SGCZ: variants seen among roughly 807,000 people sequenced by gnomAD.
SGCZ encodes the protein zeta-sarcoglycan.
SGCZ carries 40 observed loss-of-function variants against 41.3 expected under a neutral mutation model. That is an observed-to-expected ratio of 0.97 (90% CI 0.75 to 1.26). SGCZ has a LOEUF of 1.26. SGCZ is among the 50% of genes most tolerant of loss of function. The pLI, the probability that SGCZ is intolerant of heterozygous loss-of-function variation, is 0.00. For synonymous variants in SGCZ, 206 were observed against 137.5 expected (o/e 1.50, Z -3.49); for missense variants, 552 against 369.8 (o/e 1.49, Z -4.04).
intron 1 of SGCZ, among the ~76,000 whole-genome samples, chr8:14,597,423 C>A (rs1479077793): frequency 3.3e-5 from 5 of 152,190 alleles, no homozygotes; most frequent in Non-Finnish European, 4.4e-5. Flanking sequence ...AGACACAAGT[C>A]TCTTTTCAGG....
At chr8:15,105,152 C>A (rs538209873) in intron 1 of SGCZ, among the ~76,000 whole-genome samples, 2 of 152,254 alleles carry the variant, frequency 1.3e-5, no homozygotes, top group South Asian at 4.2e-4. Context: ...TTACCTTTAT[C>A]CAAAAGTCTA....
chr8:14,237,596 G>A lies in SGCZ; in HGVS notation c.420C>T (p.Thr140=), dbSNP rs775039303. 6.8e-6 allele frequency: 11 copies of A among 1,613,512 alleles called. No individual in the cohort carries two copies. Among genetic ancestry groups the A allele is most frequent in the South Asian group, 1.1e-5 (1 of 91,046 alleles). Residue 140 remains threonine, a synonymous_variant, in exon 4 of 8, where the codon ACC becomes ACT. Transcript: ENST00000382080. The stretch of plus-strand genomic sequence containing the variant: ...TCTTTACCCCAAAACACTCACCTAT[G>A]GTCAGCTGTCCGGTTAACTGCCCCA... ...NHMGQLTGQL[T]IGADAVEAQC...
intron 1 of SGCZ, among the ~76,000 whole-genome samples, chr8:15,090,114 G>T (rs1355994963): frequency 6.6e-6 from 1 of 152,116 alleles, no homozygotes; most frequent in Non-Finnish European, 1.5e-5. Flanking sequence ...CTTAAAAATG[G>T]AAATTTGTTT....
intron 2 of SGCZ, among the ~76,000 whole-genome samples, chr8:14,463,643 T>G (rs1800965990): frequency 6.6e-6 from 1 of 151,698 alleles, no homozygotes; most frequent in Non-Finnish European, 1.5e-5. Flanking sequence ...AGACAAACTG[T>G]ATTTTGTGAA....
intron 1 of SGCZ, among the ~76,000 whole-genome samples, chr8:14,989,298 T>C (rs76446791): frequency 0.024 from 3,672 of 152,206 alleles, 73 homozygotes; most frequent in South Asian, 0.1. Context: ...ATCACTGTTC[T>C]GTACTCCCCA....
intron 1 of SGCZ, among the ~76,000 whole-genome samples, chr8:14,907,410 A>G (rs1011887999): frequency 6.6e-6 from 1 of 151,814 alleles, no homozygotes; most frequent in Non-Finnish European, 1.5e-5. Context: ...TTAGTCTCCA[A>G]CTCCTGGGCT....
At chr8:15,202,897 G>A (rs1291747666) in intron 1 of SGCZ, among the ~76,000 whole-genome samples, 2 of 152,058 alleles carry the variant, frequency 1.3e-5, no homozygotes, top group African/African-American at 2.4e-5. Context: ...GATCACCTGA[G>A]GTCGGGAGTT....
chr8:14,245,395 T>G (rs937022164), intron 3 of SGCZ, among the ~76,000 whole-genome samples: 5 of 152,122 alleles, frequency 3.3e-5, no homozygotes, highest in African/African-American at 1.2e-4. Flanking sequence ...TAGCCATATG[T>G]AGAAAGCTGA....
chr8:14,829,200 A>G (rs1339217917), intron 1 of SGCZ, among the ~76,000 whole-genome samples: 3 of 152,026 alleles, frequency 2.0e-5, no homozygotes, highest in African/African-American at 7.2e-5. Context: ...CTTCCACCCC[A>G]ACACTCTGAT....
At chr8:14,822,056 T>G (rs566400362) in intron 1 of SGCZ, among the ~76,000 whole-genome samples, 1 of 145,288 alleles carries the variant, frequency 6.9e-6, no homozygotes, top group Non-Finnish European at 1.5e-5. Context: ...ATTTTAAATA[T>G]AAAAAACCCT....
intron 2 of SGCZ, among the ~76,000 whole-genome samples, chr8:14,425,415 G>C (rs1240400695): frequency 1.3e-5 from 2 of 152,106 alleles, no homozygotes; most frequent in Admixed American, 6.5e-5. Flanking sequence ...GAGGTCAGGA[G>C]TTTGAGACCA....
chr8:14,091,843 A>G (rs1225668392), intron 7 of SGCZ, among the ~76,000 whole-genome samples: 1 of 151,758 alleles, frequency 6.6e-6, no homozygotes, highest in Non-Finnish European at 1.5e-5. Context: ...ATTAGATCCC[A>G]TTTGTCGTCA....
chr8:14,983,527 T>C (rs1585436874), intron 1 of SGCZ, among the ~76,000 whole-genome samples: 1 of 152,010 alleles, frequency 6.6e-6, no homozygotes, highest in Non-Finnish European at 1.5e-5. Context: ...TTAATTTTTA[T>C]AAAAGTGGAG....
At chr8:14,215,016 G>C (rs62492327) in intron 4 of SGCZ, among the ~76,000 whole-genome samples, 163 of 152,168 alleles carry the variant, frequency 1.1e-3, no homozygotes, top group Middle Eastern at 3.4e-3. Context: ...CAAACAATGG[G>C]ACCTCATTCG....
chr8:14,442,573 G>C (rs780405995), intron 2 of SGCZ, among the ~76,000 whole-genome samples: 1 of 152,164 alleles, frequency 6.6e-6, no homozygotes, highest in Non-Finnish European at 1.5e-5. Flanking sequence ...CACCTGGTGG[G>C]TAAGTTTGAC....
intron 1 of SGCZ, among the ~76,000 whole-genome samples, chr8:14,634,957 T>C (rs934553064): frequency 1.3e-5 from 2 of 151,874 alleles, no homozygotes; most frequent in East Asian, 1.9e-4. Flanking sequence ...GTATAATTGA[T>C]GCATTATGAT....
chr8:15,191,955 C>A (rs1180361358), intron 1 of SGCZ, among the ~76,000 whole-genome samples: 1 of 152,026 alleles, frequency 6.6e-6, no homozygotes, highest in African/African-American at 2.4e-5. Context: ...CTGGGCCAAA[C>A]TAAATCTCAG....
chr8:14,831,565 TTAAG>T (rs1187261674), intron 1 of SGCZ, among the ~76,000 whole-genome samples: 4 of 152,010 alleles, frequency 2.6e-5, no homozygotes, highest in African/African-American at 9.7e-5. Context: ...TTCAACTTCA[TTAAG>T]TTTCTCCTAA....
intron 4 of SGCZ, among the ~76,000 whole-genome samples, chr8:14,207,220 A>G (rs948330926): frequency 4.6e-5 from 7 of 152,298 alleles, no homozygotes; most frequent in Admixed American, 4.6e-4. Flanking sequence ...AAATTAGCCA[A>G]TTAAGCAACT....
Sources: gnomAD v4.1 joint callset for allele counts (sites outside exome capture counted in the v4.1 genomes callset) on GRCh38, gnomAD v4.1.1 for gene constraint, MANE v1.5 for transcripts, NCBI Gene and HGNC (gene_info 2026-07-23, HGNC 2026-07-21) for gene names.